Variants in BICC1 observed in about 807,000 individuals in gnomAD.
BICC1 encodes the protein protein bicaudal C homolog 1.
In BICC1, 43 loss-of-function variants were observed where a neutral mutation model predicts 111.0. That is an observed-to-expected ratio of 0.39 (90% CI 0.30 to 0.50). BICC1 has a LOEUF of 0.50. BICC1 is among the 20% of genes least tolerant of loss of function. The pLI, the probability that BICC1 is intolerant of heterozygous loss-of-function variation, is 0.88. For synonymous variants in BICC1, 467 were observed against 434.4 expected (o/e 1.07, Z -0.93); for missense variants, 1,091 against 1,203.2 (o/e 0.91, Z 1.38).
intron 2 of BICC1, among the ~76,000 whole-genome samples, chr10:58,651,239 CT>C (rs1215602943): frequency 6.6e-6 from 1 of 152,166 alleles, no homozygotes; most frequent in Non-Finnish European, 1.5e-5. Flanking sequence ...GGTTGTCTGT[CT>C]TGGTTTTATT....
chr10:58,589,126 G>A (rs10740731), intron 1 of BICC1, among the ~76,000 whole-genome samples: 70,677 of 152,018 alleles, frequency 0.46, 17,406 homozygotes, highest in Admixed American at 0.63. Flanking sequence ...CAGTCTCCGA[G>A]AGTTCCCCTG....
At chr10:58,808,599 G>GT (rs1843789812) in intron 17 of BICC1, among the ~76,000 whole-genome samples, 1 of 152,168 alleles carries the variant, frequency 6.6e-6, no homozygotes, top group Admixed American at 6.5e-5. Context: ...TATAGCTTTG[G>GT]TGAGGGACTT....
chr10:58,826,157 T>A (rs892869076), intron 20 of BICC1, among the ~76,000 whole-genome samples: 1 of 152,132 alleles, frequency 6.6e-6, no homozygotes, highest in Non-Finnish European at 1.5e-5. Context: ...ATTGACTCCA[T>A]GATTCAAGAA....
intron 3 of BICC1, among the ~76,000 whole-genome samples, chr10:58,754,472 A>G (rs757242259): frequency 1.3e-5 from 2 of 152,254 alleles, no homozygotes; most frequent in Non-Finnish European, 2.9e-5. Context: ...CTTTGGTAGC[A>G]CATTATTAAG....
chr10:58,696,349 T>G (rs1309077042), intron 2 of BICC1, among the ~76,000 whole-genome samples: 2 of 152,126 alleles, frequency 1.3e-5, no homozygotes, highest in East Asian at 3.8e-4. Context: ...AAAAAAAAAT[T>G]TTCTTACATC....
intron 3 of BICC1, among the ~76,000 whole-genome samples, chr10:58,771,013 TCTTA>T (rs1390549363): frequency 1.3e-5 from 2 of 152,236 alleles, no homozygotes; most frequent in African/African-American, 2.4e-5. Flanking sequence ...CATTATGTTA[TCTTA>T]CTTACTATGA....
intron 2 of BICC1, among the ~76,000 whole-genome samples, chr10:58,668,767 A>T (rs1248053794): frequency 6.6e-6 from 1 of 152,042 alleles, no homozygotes; most frequent in Non-Finnish European, 1.5e-5. Flanking sequence ...CATCTAGTTC[A>T]GTATTTTTCC....
intron 3 of BICC1, among the ~76,000 whole-genome samples, chr10:58,736,419 CT>C (rs1841470041): frequency 3.3e-5 from 5 of 152,020 alleles, no homozygotes; most frequent in Admixed American, 3.3e-4. Flanking sequence ...AAATTTGATG[CT>C]TGTTTTAATT....
chr10:58,586,140 T>A lies in BICC1; in HGVS notation c.191-34715T>A, dbSNP rs969559167. The stretch of plus-strand genomic sequence containing the variant: ...TTTCCTTCGTGAGGACTAAATCCAT[T>A]CTAAGCAGAATCCTAAAAATGTGAC... On this transcript the variant is annotated intron_variant, in intron 1 of 20. Coordinates refer to ENST00000373886, the MANE Select transcript of BICC1 (RefSeq NM_001080512.3). 4.3e-4 allele frequency among the ~76,000 whole-genome samples: 66 copies of A among 152,296 alleles called. 1 individual carries two copies. The highest frequency in any genetic ancestry group is 4.3e-3 in the Admixed American group (66 of 15,300).
At chr10:58,659,396 C>T (rs1280622658) in intron 2 of BICC1, among the ~76,000 whole-genome samples, 2 of 152,170 alleles carry the variant, frequency 1.3e-5, no homozygotes, top group African/African-American at 4.8e-5. Context: ...GAATACTACA[C>T]ACCCATAAAA....
rs1286599800 is a variant in BICC1, at chr10:58,521,919, C to T, written c.190+8586C>T. Among the ~76,000 whole-genome samples the T allele has an allele frequency of 2.6e-5, 4 of 151,068 alleles. No homozygotes were observed. In the East Asian group the frequency reaches 7.8e-4, roughly 29 times the overall value. ...CTTTTGTGAGTCTAATGGAGATGGT[C>T]CCAGGATCACACTTTGAGAAACATT... On this transcript the variant is annotated intron_variant, in intron 1 of 20. Transcript: ENST00000373886.
At chr10:58,792,627 G>A (rs1843218532) in intron 8 of BICC1, among the ~76,000 whole-genome samples, 1 of 152,176 alleles carries the variant, frequency 6.6e-6, no homozygotes, top group South Asian at 2.1e-4. Flanking sequence ...GATTTAGGTT[G>A]CATGCTCCTT....
intron 20 of BICC1, 99 bp from the exon 21 acceptor site, chr10:58,828,662 A>T: frequency 7.5e-7 from 1 of 1,334,440 alleles, no homozygotes; most frequent in South Asian, 1.5e-5. Context: ...TTCCTCAAAA[A>T]ACCTACCACG....
chr10:58,629,581 A>G (rs937110821), intron 2 of BICC1, among the ~76,000 whole-genome samples: 1 of 152,216 alleles, frequency 6.6e-6, no homozygotes, highest in Non-Finnish European at 1.5e-5. Context: ...AATATACTAA[A>G]TAAATGTATG....
At chr10:58,529,515 C>G (rs1842626816) in intron 1 of BICC1, among the ~76,000 whole-genome samples, 1 of 151,902 alleles carries the variant, frequency 6.6e-6, no homozygotes, top group Admixed American at 6.6e-5. Flanking sequence ...AAAAGCATCA[C>G]TTAAAGCAAA....
At chr10:58,811,128 A>G (rs147730777) in intron 17 of BICC1, among the ~76,000 whole-genome samples, 3 of 152,320 alleles carry the variant, frequency 2.0e-5, no homozygotes, top group Non-Finnish European at 4.4e-5. Context: ...GTTTTCTCCA[A>G]GATTCTAAAT....
intron 1 of BICC1, among the ~76,000 whole-genome samples, chr10:58,520,980 TC>T (rs1391131612): frequency 1.3e-5 from 2 of 152,096 alleles, no homozygotes; most frequent in Non-Finnish European, 2.9e-5. Flanking sequence ...GCCCTACCCT[TC>T]TGTGACTTAA....
At position 58,513,431 on chromosome 10, in the gene BICC1, GGCC is replaced by G. The variant is rs1232564507; in HGVS notation, c.190+100_190+102del. On this transcript the variant is annotated intron_variant, in intron 1 of 20. Coordinates refer to ENST00000373886, the MANE Select transcript of BICC1 (RefSeq NM_001080512.3). ...TCCGGCGCCCGCTACTCCAGCCTAC[GGCC>G]GGCCGGTTTAGCTCCAGGCCCGCTC... The G allele has an allele frequency of 1.4e-5, 5 of 349,638 alleles. No homozygotes were observed. In the East Asian group the frequency reaches 5.5e-4, roughly 39 times the overall value. 21.7% of individuals were successfully genotyped at this position (349,638 alleles called of 1,614,324 possible).
chr10:58,610,582 G>A (rs1845384981), intron 1 of BICC1, among the ~76,000 whole-genome samples: 1 of 150,606 alleles, frequency 6.6e-6, no homozygotes, highest in South Asian at 2.1e-4. Flanking sequence ...CCATCCTCTT[G>A]TCCCAAATTG....
Sources: gnomAD v4.1 joint callset for allele counts (sites outside exome capture counted in the v4.1 genomes callset) on GRCh38, gnomAD v4.1.1 for gene constraint, MANE v1.5 for transcripts, NCBI Gene and HGNC (gene_info 2026-07-23, HGNC 2026-07-21) for gene names.